Variants in NBEA observed in about 807,000 individuals in gnomAD.
NBEA encodes the protein lysosomal-trafficking regulator 2.
NBEA carries 44 observed loss-of-function variants against 343.4 expected under a neutral mutation model. The observed-to-expected ratio is 0.13, with a 90% CI of 0.10 to 0.16. NBEA has a LOEUF of 0.16. Among genes scored for constraint, NBEA ranks in the 10% least tolerant of loss-of-function variants. The probability of loss-of-function intolerance (pLI) is 1.00; values close to 1 mark genes in which losing one functional copy is unlikely to be tolerated. For missense variants in NBEA, 2,555 were observed against 3,631.3 expected, an observed-to-expected ratio of 0.70 and a Z score of 7.62; for synonymous variants, 1,175 against 1,238.7, an observed-to-expected ratio of 0.95 and a Z score of 1.08.
chr13:34,973,775 A>G (rs906917991), intron 1 of NBEA, among the ~76,000 whole-genome samples: 1 of 152,182 alleles, frequency 6.6e-6, no homozygotes, highest in Admixed American at 6.5e-5. Flanking sequence ...CTGTGGTGCC[A>G]TGGAAGTGGG....
intron 49 of NBEA, among the ~76,000 whole-genome samples, chr13:35,637,339 G>T (rs2153070755): frequency 6.6e-6 from 1 of 152,266 alleles, no homozygotes; most frequent in East Asian, 1.9e-4. Context: ...GTGCACCATT[G>T]ATAGGAATAT....
intron 37 of NBEA, among the ~76,000 whole-genome samples, chr13:35,350,727 G>GGTGTGTGTGTGT (rs1252331869): frequency 9.0e-6 from 1 of 110,898 alleles, no homozygotes; most frequent in African/African-American, 3.3e-5. Flanking sequence ...TAGAGCTATT[G>GGTGTGTGTGTGT]ATGTGTGTGT....
At chr13:35,096,269 T>A (rs1050543368) in intron 10 of NBEA, among the ~76,000 whole-genome samples, 1 of 151,732 alleles carries the variant, frequency 6.6e-6, no homozygotes, top group African/African-American at 2.4e-5. Context: ...AAAACGACTT[T>A]TGTTAGTGAA....
intron 1 of NBEA, among the ~76,000 whole-genome samples, chr13:34,992,095 T>C (rs567739557): frequency 6.6e-6 from 1 of 151,030 alleles, no homozygotes; most frequent in Non-Finnish European, 1.5e-5. Context: ...TTACAGGTAT[T>C]TGGCTGCTGA....
In NBEA at chr13:35,175,638, A is replaced by T. The variant is rs536043686; in HGVS notation, c.4555-1358A>T. ...TTATCTGGCAAGAACTTTGGCAGTGAAAAATGGGTAAGTAGCGATGAATGT... is the reference window on the plus strand; with the variant it reads ...TTATCTGGCAAGAACTTTGGCAGTGTAAAATGGGTAAGTAGCGATGAATGT... On this transcript the variant is annotated intron_variant, in intron 27 of 58. Transcript: ENST00000379939. Among the ~76,000 whole-genome samples, 20 of 152,316 alleles carry T rather than the reference A, an allele frequency of 1.3e-4. 1 individual carries two copies. The highest frequency in any genetic ancestry group is 9.2e-4 in the Admixed American group (14 of 15,300).
rs113171297 is a variant in NBEA at position 34,959,280 on chromosome 13, T to G, written c.294+16166T>G. ...CTAAGGTGTGAATTTTATGTTTTTT[T>G]CGTAGGTGTTAATCTGTTCACATGC... On this transcript the variant is annotated intron_variant, in intron 1 of 58. Transcript: ENST00000379939. 8.9e-4 allele frequency among the ~76,000 whole-genome samples: 136 copies of G among 152,294 alleles called. 1 individual carries two copies. The highest frequency in any genetic ancestry group is 3.2e-3 in the African/African-American group (133 of 41,576).
At chr13:35,188,906 GTT>G (rs571102808) in intron 30 of NBEA, among the ~76,000 whole-genome samples, 3,058 of 109,718 alleles carry the variant, frequency 0.028, 81 homozygotes, top group African/African-American at 0.092. Context: ...TTTACTTTTT[GTT>G]TTTTTTTTTT....
chr13:35,213,793 A>G (rs181317345), intron 33 of NBEA, among the ~76,000 whole-genome samples: 1 of 152,078 alleles, frequency 6.6e-6, no homozygotes, highest in East Asian at 1.9e-4. Context: ...CATTTTGAGC[A>G]TACATTTTAA....
chr13:35,479,106 G>A (rs970778222), intron 41 of NBEA, among the ~76,000 whole-genome samples: 3 of 152,206 alleles, frequency 2.0e-5, no homozygotes, highest in Non-Finnish European at 2.9e-5. Context: ...AAAAATGGAT[G>A]GTGAGAAAAG....
intron 17 of NBEA, among the ~76,000 whole-genome samples, chr13:35,130,307 T>C (rs2067346754): frequency 6.6e-6 from 1 of 152,086 alleles, no homozygotes; most frequent in Non-Finnish European, 1.5e-5. Context: ...GGGGGAGCTG[T>C]GAGTGATGTG....
At chr13:35,630,284 A>G (rs938606786) in intron 49 of NBEA, among the ~76,000 whole-genome samples, 2 of 152,350 alleles carry the variant, frequency 1.3e-5, no homozygotes, top group South Asian at 2.1e-4. Context: ...ACCTGTTTCT[A>G]CAAAATAACA....
chr13:35,483,984 GCCAC>G (rs1256185745), intron 41 of NBEA, among the ~76,000 whole-genome samples: 1 of 151,924 alleles, frequency 6.6e-6, no homozygotes, highest in Non-Finnish European at 1.5e-5. Flanking sequence ...GAATCTTGTT[GCCAC>G]CAGGAAGTAA....
chr13:35,463,492 G>T (rs1021179394), intron 40 of NBEA, among the ~76,000 whole-genome samples: 4 of 152,018 alleles, frequency 2.6e-5, no homozygotes. Context: ...AGGTGTGGTG[G>T]TGCGAGTCTG....
intron 37 of NBEA, 115 bp from the exon 38 acceptor site, chr13:35,352,042 A>C: frequency 2.0e-6 from 1 of 512,464 alleles, no homozygotes; most frequent in Non-Finnish European, 3.1e-6. Context: ...AAAAGATTAC[A>C]TTATTTGAGT....
At chr13:35,484,234 ATGTGTGTGTGTGTG>A (rs397851790) in intron 41 of NBEA, among the ~76,000 whole-genome samples, 1 of 124,796 alleles carries the variant, frequency 8.0e-6, no homozygotes, top group Non-Finnish European at 1.7e-5. Context: ...CTACATTAAT[ATGTGTGTGTGTGTG>A]TGTGTGTGTG....
intron 18 of NBEA, among the ~76,000 whole-genome samples, chr13:35,153,064 G>A (rs1368638766): frequency 1.5e-5 from 2 of 132,096 alleles, no homozygotes; most frequent in East Asian, 2.3e-4. Flanking sequence ...TTGAGACAGA[G>A]TCTCACTCTG....
chr13:35,607,527 A>G (rs962118389), intron 48 of NBEA, among the ~76,000 whole-genome samples: 2 of 152,160 alleles, frequency 1.3e-5, no homozygotes, highest in African/African-American at 4.8e-5. Context: ...AATTACATCA[A>G]TAAAACCAAT....
chr13:35,272,404 C>T (rs2034234483), intron 34 of NBEA, among the ~76,000 whole-genome samples: 1 of 152,080 alleles, frequency 6.6e-6, no homozygotes, highest in African/African-American at 2.4e-5. Context: ...CGAAAACATG[C>T]CAAATTGTAA....
chr13:35,639,277 A>G (rs1249233793), intron 49 of NBEA, among the ~76,000 whole-genome samples: 1 of 152,212 alleles, frequency 6.6e-6, no homozygotes, highest in Non-Finnish European at 1.5e-5. Flanking sequence ...GCAAGAAACA[A>G]CAAAGTGCAG....
Sources: allele counts gnomAD v4.1 joint callset (sites outside exome capture counted in the v4.1 genomes callset), GRCh38; gene constraint gnomAD v4.1.1; transcripts MANE v1.5; gene names NCBI Gene and HGNC (gene_info 2026-07-23, HGNC 2026-07-21).